The following CTNNA2 variants were observed in gnomAD, a reference collection of about 807,000 sequenced individuals.
The protein encoded by CTNNA2 is catenin alpha-2.
In CTNNA2, 42 loss-of-function variants were observed where a neutral mutation model predicts 101.0. That is an observed-to-expected ratio of 0.42 (90% CI 0.32 to 0.54). The LOEUF (loss-of-function observed/expected upper bound fraction) is 0.54, where lower values mean the gene tolerates loss of function less well. CTNNA2 is among the 20% of genes least tolerant of loss of function. CTNNA2 has a pLI of 0.14. For missense variants in CTNNA2, 871 were observed against 1,223.1 expected (o/e 0.71, Z 4.29); for synonymous variants, 450 against 456.4 (o/e 0.99, Z 0.18).
chr2:80,202,392 G>A (rs1377862693), intron 7 of CTNNA2, among the ~76,000 whole-genome samples: 1 of 152,166 alleles, frequency 6.6e-6, no homozygotes, highest in Non-Finnish European at 1.5e-5. Context: ...ATTAGAAGAA[G>A]ATTCAGGAAC....
chr2:80,299,145 G>C (rs1049280598), intron 7 of CTNNA2: 2 of 152,092 alleles, frequency 1.3e-5, no homozygotes, highest in African/African-American at 4.8e-5. Context: ...TTTTCAGATA[G>C]CACAGCATAA....
intron 17 of CTNNA2, among the ~76,000 whole-genome samples, chr2:80,615,008 AC>A (rs1164421048): frequency 2.6e-5 from 4 of 151,246 alleles, no homozygotes; most frequent in Admixed American, 2.6e-4. Context: ...ACTGGGGCTT[AC>A]CCCAGGAATT....
intron 9 of CTNNA2, among the ~76,000 whole-genome samples, chr2:80,490,288 C>CCG (rs10653213): frequency 0.064 from 6,214 of 97,812 alleles, 473 homozygotes; most frequent in East Asian, 0.24. Flanking sequence ...CCACCCCCCC[C>CCG]CCGGTAAAGC....
chr2:79,522,028 C>T lies in CTNNA2; in HGVS notation c.-6+8821C>T, dbSNP rs188116024. Among the ~76,000 whole-genome samples, 196 of 152,228 alleles carry T rather than the reference C, an allele frequency of 1.3e-3. 5 individuals are homozygous for T. Among genetic ancestry groups the T allele is most frequent in the Admixed American group, 0.011 (172 of 15,288 alleles). On this transcript the variant is annotated intron_variant, in intron 1 of 18. Transcript: ENST00000402739. ...GCAGGCAAATTCGATTGCAGTTTGC[C>T]CATCTGTGAAATCAGGACCTCAGGC... is the stretch of plus-strand genomic sequence containing the variant.
intron 2 of CTNNA2, among the ~76,000 whole-genome samples, chr2:79,297,418 G>A (rs1676006313): frequency 6.6e-6 from 1 of 152,132 alleles, no homozygotes; most frequent in South Asian, 2.1e-4. Context: ...ATTTGAACAA[G>A]AGTTTTTAAA....
Position 79,464,914 on chromosome 2 carries a change from G to C in CTNNA2, c.-134-40140G>C, listed in dbSNP as rs370343734. 5.3e-5 allele frequency among the ~76,000 whole-genome samples: 8 copies of C among 151,610 alleles called. No individual in the cohort carries two copies. The South Asian group carries it at 1.5e-3, about 28-fold the overall frequency. On this transcript the variant is annotated intron_variant, in intron 4 of 21. Coordinates refer to the CTNNA2 transcript ENST00000466387. ...TGTCAGATGAGTAGATTGCAAAAAT[G>C]TTCTCCCATTCTGTAGGTTGCCTGT...
chr2:79,332,228 T>C (rs1174980737), intron 3 of CTNNA2, among the ~76,000 whole-genome samples: 1 of 151,724 alleles, frequency 6.6e-6, no homozygotes, highest in Non-Finnish European at 1.5e-5. Flanking sequence ...GGATAGTATT[T>C]ATATACATAC....
chr2:79,415,807 C>T (rs1678473405), intron 4 of CTNNA2, among the ~76,000 whole-genome samples: 1 of 151,958 alleles, frequency 6.6e-6, no homozygotes, highest in African/African-American at 2.4e-5. Context: ...ATGCATAGGT[C>T]TATCTGTTCT....
rs375430074 is a variant in CTNNA2 at position 79,983,657 on chromosome 2, TGTAACTGATAAGAACCTC to T, written c.1056+73862_1056+73879del. ...AAATGAACAGGTAGGAGGAGAGTGC[TGTAACTGATAAGAACCTC>T]GGAATGAATCCTGTGTCTCTCTTGT... On this transcript the variant is annotated intron_variant, in intron 7 of 18. Transcript: ENST00000402739. 4.0e-3 allele frequency among the ~76,000 whole-genome samples: 602 copies of T among 152,336 alleles called. 1 individual carries two copies. Among genetic ancestry groups the T allele is most frequent in the African/African-American group, 0.013 (558 of 41,584 alleles).
At chr2:80,033,684 C>A (rs1042534733) in intron 7 of CTNNA2, among the ~76,000 whole-genome samples, 13 of 152,114 alleles carry the variant, frequency 8.5e-5, no homozygotes, top group African/African-American at 2.9e-4. Flanking sequence ...TGAACAAATA[C>A]CGTATAAGAA....
chr2:80,213,342 T>C (rs1020470474), intron 7 of CTNNA2, among the ~76,000 whole-genome samples: 15 of 152,186 alleles, frequency 9.9e-5, no homozygotes, highest in Admixed American at 9.2e-4. Context: ...CTTTCTCTTG[T>C]GGGCATTTAG....
chr2:79,335,480 GA>G (rs1416023809), intron 3 of CTNNA2, among the ~76,000 whole-genome samples: 2 of 152,118 alleles, frequency 1.3e-5, no homozygotes, highest in Non-Finnish European at 2.9e-5. Context: ...TCAATCTTAT[GA>G]ATTTGTGTGT....
intron 3 of CTNNA2, among the ~76,000 whole-genome samples, chr2:79,330,443 C>G (rs964923094): frequency 6.6e-6 from 1 of 152,146 alleles, no homozygotes; most frequent in Non-Finnish European, 1.5e-5. Flanking sequence ...AACACCACCT[C>G]CTCTCTGGGT....
intron 7 of CTNNA2, among the ~76,000 whole-genome samples, chr2:80,251,378 G>T (rs1671752167): frequency 6.6e-6 from 1 of 152,030 alleles, no homozygotes; most frequent in South Asian, 2.1e-4. Context: ...TTCTTGGTTT[G>T]GTGTTCTACC....
intron 7 of CTNNA2, among the ~76,000 whole-genome samples, chr2:80,213,900 G>C (rs1445117197): frequency 1.3e-5 from 2 of 152,188 alleles, no homozygotes; most frequent in Non-Finnish European, 2.9e-5. Flanking sequence ...GGGTGCTCTA[G>C]TATTGAGTGC....
intron 7 of CTNNA2, among the ~76,000 whole-genome samples, chr2:80,369,101 T>C (rs563407778): frequency 6.6e-6 from 1 of 152,222 alleles, no homozygotes; most frequent in African/African-American, 2.4e-5. Context: ...ATTTTGTTTG[T>C]CCTACAACCC....
intron 9 of CTNNA2, among the ~76,000 whole-genome samples, chr2:80,453,517 T>C (rs887481062): frequency 2.0e-5 from 3 of 152,080 alleles, no homozygotes; most frequent in Non-Finnish European, 2.9e-5. Context: ...GATTTCTCCA[T>C]GTGTGTGATT....
At chr2:79,414,003 T>A (rs140735730) in intron 4 of CTNNA2, among the ~76,000 whole-genome samples, 45 of 149,864 alleles carry the variant, frequency 3.0e-4, no homozygotes, top group African/African-American at 1.1e-3. Context: ...ATTCTATTTA[T>A]CTATTTTGCA....
intron 1 of CTNNA2, among the ~76,000 whole-genome samples, chr2:79,602,107 C>G (rs1677590359): frequency 6.6e-6 from 1 of 152,078 alleles, no homozygotes; most frequent in African/African-American, 2.4e-5. Flanking sequence ...TTTGCACCGT[C>G]TTAAAGTTGA....
Sources: allele counts gnomAD v4.1 joint callset (sites outside exome capture counted in the v4.1 genomes callset), GRCh38; gene constraint gnomAD v4.1.1; transcripts MANE v1.5; gene names NCBI Gene and HGNC (gene_info 2026-07-23, HGNC 2026-07-21).